The following DLGAP2 variants were observed in gnomAD, a reference collection of about 807,000 sequenced individuals.
DLGAP2 encodes the protein DLG associated protein 2, also known as disks large-associated protein 2.
Under a neutral mutation model 100.3 loss-of-function variants are expected in DLGAP2, and 26 were observed. The observed-to-expected ratio is 0.26, with a 90% CI of 0.19 to 0.36. DLGAP2 has a LOEUF of 0.36. DLGAP2 is among the 10% of genes least tolerant of loss of function. The probability of loss-of-function intolerance (pLI) is 1.00; values close to 1 mark genes in which losing one functional copy is unlikely to be tolerated. For missense variants in DLGAP2, 1,858 were observed against 1,453.2 expected (o/e 1.28, Z -4.53); for synonymous variants, 886 against 630.1 (o/e 1.41, Z -6.08).
chr8:1,609,121 T>C (rs1796915477), intron 6 of DLGAP2, among the ~76,000 whole-genome samples: 1 of 127,672 alleles, frequency 7.8e-6, no homozygotes, highest in Non-Finnish European at 1.7e-5. Flanking sequence ...AAGGAAAAAA[T>C]GTTAAGGGCA....
chr8:1,316,720 T>A (rs1446605081), intron 3 of DLGAP2, among the ~76,000 whole-genome samples: 2 of 136,046 alleles, frequency 1.5e-5, no homozygotes, highest in African/African-American at 5.7e-5. Context: ...CCCATAGTGG[T>A]CTACACTCGA....
intron 1 of DLGAP2, among the ~76,000 whole-genome samples, chr8:757,603 G>A (rs1190469386): frequency 1.3e-5 from 2 of 152,172 alleles, no homozygotes; most frequent in African/African-American, 2.4e-5. Flanking sequence ...AGCAGTTGAC[G>A]GATGGTGCTG....
Position 1,357,260 on chromosome 8 carries a change from G to A in DLGAP2, c.106+98377G>A, listed in dbSNP as rs527650024. On this transcript the variant is annotated intron_variant, in intron 3 of 14. Transcript: ENST00000637795. ...CAGACTGCAGAGTGTGCCGGTCCTC[G>A]GAGAAGGGGTGTCCTTCAGGGCAGT... is the stretch of plus-strand genomic sequence containing the variant. Among the ~76,000 whole-genome samples, 97 of 152,158 alleles carry A rather than the reference G, an allele frequency of 6.4e-4. 1 individual carries two copies. The highest frequency in any genetic ancestry group is 1.8e-3 in the African/African-American group (73 of 41,528).
intron 3 of DLGAP2, among the ~76,000 whole-genome samples, chr8:1,347,277 T>G (rs1303683705): frequency 6.6e-6 from 1 of 151,858 alleles, no homozygotes; most frequent in Non-Finnish European, 1.5e-5. Flanking sequence ...AGAGCTACAC[T>G]GCACTCACGG....
intron 2 of DLGAP2, among the ~76,000 whole-genome samples, chr8:1,121,259 T>G (rs1279199855): frequency 6.7e-6 from 1 of 150,332 alleles, no homozygotes; most frequent in Non-Finnish European, 1.5e-5. Context: ...CCTCGTCCCT[T>G]CAGAACCCAT....
At chr8:1,069,736 G>A (rs188907345) in intron 2 of DLGAP2, among the ~76,000 whole-genome samples, 15 of 152,320 alleles carry the variant, frequency 9.8e-5, no homozygotes, top group Middle Eastern at 3.4e-3. Flanking sequence ...CAAATGCTGA[G>A]TGCTGGCCTG....
intron 2 of DLGAP2, among the ~76,000 whole-genome samples, chr8:1,136,212 C>T (rs1381424019): frequency 6.6e-6 from 1 of 152,124 alleles, no homozygotes; most frequent in Non-Finnish European, 1.5e-5. Context: ...CTGGGTTCTG[C>T]TCCCTTAGGC....
At chr8:1,494,880 C>T (rs534750197) in intron 3 of DLGAP2, among the ~76,000 whole-genome samples, 18 of 152,296 alleles carry the variant, frequency 1.2e-4, no homozygotes, top group Admixed American at 6.5e-4. Context: ...CGGCAGAGAA[C>T]AAACTTAACT....
intron 1 of DLGAP2, among the ~76,000 whole-genome samples, 187 bp from the exon 2 acceptor site, chr8:907,725 C>G (rs1270497712): frequency 2.0e-5 from 3 of 152,192 alleles, no homozygotes; most frequent in Non-Finnish European, 4.4e-5. Context: ...CCTGATTAAC[C>G]TTTTCAATGA....
intron 2 of DLGAP2, among the ~76,000 whole-genome samples, chr8:1,073,956 T>G (rs1038006701): frequency 3.3e-5 from 5 of 152,144 alleles, no homozygotes; most frequent in African/African-American, 1.2e-4. Context: ...AGAGTGAGGC[T>G]GAACTCACCC....
At chr8:953,125 T>G (rs1799520007) in intron 2 of DLGAP2, among the ~76,000 whole-genome samples, 1 of 152,232 alleles carries the variant, frequency 6.6e-6, no homozygotes, top group Non-Finnish European at 1.5e-5. Flanking sequence ...GAAAAGCCTT[T>G]AAAGTTTTGG....
At position 1,373,218 on chromosome 8, in the gene DLGAP2, ACT is replaced by A. The variant is rs1351278232; in HGVS notation, c.106+114338_106+114339del. Among the ~76,000 whole-genome samples the A allele has an allele frequency of 4.6e-5, 7 of 151,648 alleles. No individual in the cohort carries two copies. The South Asian group carries it at 1.0e-3, about 22-fold the overall frequency. On this transcript the variant is annotated intron_variant, in intron 3 of 14. Coordinates refer to ENST00000637795, the MANE Select transcript of DLGAP2 (RefSeq NM_001346810.2). ...TTTGCTTGAGTGACTGCGCAGCAAG[ACT>A]CTGTGCTGGAGAAAGCCACGCCCCT...
intron 1 of DLGAP2, among the ~76,000 whole-genome samples, chr8:763,179 A>C (rs887966132): frequency 6.6e-6 from 1 of 152,200 alleles, no homozygotes; most frequent in African/African-American, 2.4e-5. Context: ...TGGAAGGAGC[A>C]CGGCGTTGTG....
chr8:1,327,476 T>G (rs1801047500), intron 3 of DLGAP2, among the ~76,000 whole-genome samples: 1 of 152,234 alleles, frequency 6.6e-6, no homozygotes, highest in African/African-American at 2.4e-5. Flanking sequence ...TATTGCTTGC[T>G]ATAGCTTGTG....
At chr8:822,374 GT>G (rs1423494342) in intron 1 of DLGAP2, among the ~76,000 whole-genome samples, 1 of 152,204 alleles carries the variant, frequency 6.6e-6, no homozygotes, top group African/African-American at 2.4e-5. Context: ...AAGGCCGGGG[GT>G]GAGTGTTCCT....
chr8:1,563,340 T>TTTTGGGGTTACTGGGGGGCTGTGTGGG (rs1802252374), intron 5 of DLGAP2, among the ~76,000 whole-genome samples: 1 of 28,402 alleles, frequency 3.5e-5, no homozygotes, highest in Non-Finnish European at 6.1e-5. Context: ...GGCTGTGTGG[T>TTTTGGGGTTACTGGGGGGCTGTGTGGG]TTTGGGGTGT....
intron 2 of DLGAP2, among the ~76,000 whole-genome samples, chr8:1,251,117 C>G (rs1444884032): frequency 6.6e-6 from 1 of 152,206 alleles, no homozygotes; most frequent in Non-Finnish European, 1.5e-5. Flanking sequence ...GTATTCTTGT[C>G]TGCCTTCCCT....
intron 3 of DLGAP2, among the ~76,000 whole-genome samples, chr8:1,491,974 C>G (rs982182857): frequency 2.6e-5 from 4 of 152,212 alleles, no homozygotes; most frequent in African/African-American, 7.2e-5. Flanking sequence ...TGACTGGAGC[C>G]GGGCTCCGCT....
At chr8:1,337,850 A>G (rs900440253) in intron 3 of DLGAP2, among the ~76,000 whole-genome samples, 1 of 152,204 alleles carries the variant, frequency 6.6e-6, no homozygotes, top group African/African-American at 2.4e-5. Flanking sequence ...TTCAGTGAAA[A>G]AGACCAGTCA....
Sources: allele counts gnomAD v4.1 joint callset (sites outside exome capture counted in the v4.1 genomes callset), GRCh38; gene constraint gnomAD v4.1.1; transcripts MANE v1.5; gene names NCBI Gene and HGNC (gene_info 2026-07-23, HGNC 2026-07-21).